ITGAM: variants seen among roughly 807,000 people sequenced by gnomAD.
The protein encoded by ITGAM is integrin subunit alpha M, also known as integrin alpha-M.
A neutral mutation model predicts 137.5 loss-of-function variants in ITGAM; 79 were observed. The ratio of observed to expected loss-of-function variants is 0.57; its 90% CI spans 0.48 to 0.69. The LOEUF (loss-of-function observed/expected upper bound fraction) is 0.69. Ranked by LOEUF, ITGAM falls within the 30% of genes least tolerant of loss-of-function variation. ITGAM has a pLI of 0.00. For missense variants in ITGAM, 1,343 were observed against 1,483.5 expected (o/e 0.91, Z 1.56); for synonymous variants, 583 against 592.3 (o/e 0.98, Z 0.23).
At chr16:31,305,663 T>TA (rs1213713308) in intron 14 of ITGAM, among the ~76,000 whole-genome samples, 1 of 152,198 alleles carries the variant, frequency 6.6e-6, no homozygotes, top group Non-Finnish European at 1.5e-5. Flanking sequence ...AGCCTTTTTT[T>TA]AATCATAAAG....
chr16:31,325,666 T>G lies in ITGAM; in HGVS notation c.2628+44T>G, dbSNP rs763681582. On this transcript the variant is annotated intron_variant, in intron 21 of 29. Coordinates refer to ENST00000544665, the MANE Select transcript of ITGAM (RefSeq NM_000632.4). The stretch of plus-strand genomic sequence containing the variant: ...TCCCCTCCTTTTCTCTTTGATTTCT[T>G]TGGGGATTCTTTTCTTCTTCTTCTC... The G allele has an allele frequency of 1.0e-5, 16 of 1,585,732 alleles. No homozygotes were observed. In the South Asian group the frequency reaches 1.9e-4, roughly 18 times the overall value.
chr16:31,331,893 A>ACGTGTGCGTGTGCGTG lies in ITGAM; in HGVS notation c.*187_*188insGTGTGCGTGTGCGTGC. Reference sequence around the variant, plus strand: ...CAAGTGTCTGTGTGCAAGTGTGTGCACATGTGTGCGTGTGCGTGCATGTGC... The same window carrying ACGTGTGCGTGTGCGTG: ...CAAGTGTCTGTGTGCAAGTGTGTGCACGTGTGCGTGTGCGTGCATGTGTGCGTGTGCGTGCATGTGC... On this transcript the variant is annotated 3_prime_UTR_variant, in exon 30 of 30. Coordinates refer to ENST00000544665, the MANE Select transcript of ITGAM (RefSeq NM_000632.4). 1 of 552,470 alleles carries ACGTGTGCGTGTGCGTG rather than the reference A, an allele frequency of 1.8e-6. No homozygotes were observed. The highest frequency in any genetic ancestry group is 3.2e-6 in the Non-Finnish European group (1 of 313,942). The allele number at this position is 552,470 out of a possible 1,614,324, so 34.2% of individuals were successfully genotyped here.
intron 14 of ITGAM, among the ~76,000 whole-genome samples, chr16:31,311,021 G>C (rs1432339624): frequency 7.2e-5 from 11 of 152,108 alleles, no homozygotes; most frequent in Non-Finnish European, 1.2e-4. Context: ...CTGACAAAAA[G>C]AAGAAATGGG....
chr16:31,302,417 TTTCTTTCTTTC>T (rs1163080519), intron 14 of ITGAM, among the ~76,000 whole-genome samples: 5 of 138,332 alleles, frequency 3.6e-5, no homozygotes, highest in East Asian at 1.9e-4. Flanking sequence ...TTTTTCTTTC[TTTCTTTCTTTC>T]TTCTTTCTTT....
intron 7 of ITGAM, among the ~76,000 whole-genome samples, chr16:31,273,089 A>G (rs530062401): frequency 6.6e-6 from 1 of 152,244 alleles, no homozygotes; most frequent in Non-Finnish European, 1.5e-5. Context: ...ACTTGAGGCC[A>G]GGAGTTTGAG....
At chr16:31,284,420 G>A (rs1333381144) in intron 12 of ITGAM, among the ~76,000 whole-genome samples, 1 of 152,158 alleles carries the variant, frequency 6.6e-6, no homozygotes, top group Non-Finnish European at 1.5e-5. Context: ...TCAAGCCTCA[G>A]CAATGGTGGA....
At chr16:31,327,368 C>T (rs1056967423) in intron 22 of ITGAM, among the ~76,000 whole-genome samples, 5 of 151,778 alleles carry the variant, frequency 3.3e-5, no homozygotes, top group Admixed American at 6.6e-5. Context: ...AAAACAATTG[C>T]TCGAACCCAG....
At chr16:31,294,659 T>G (rs945310579) in intron 12 of ITGAM, among the ~76,000 whole-genome samples, 5 of 152,182 alleles carry the variant, frequency 3.3e-5, no homozygotes, top group African/African-American at 1.2e-4. Context: ...GATTTTTGCA[T>G]TAGTGTTCAT....
At chr16:31,288,887 T>A (rs1253605306) in intron 12 of ITGAM, among the ~76,000 whole-genome samples, 9 of 151,950 alleles carry the variant, frequency 5.9e-5, no homozygotes, top group Non-Finnish European at 1.3e-4. Flanking sequence ...TCCAGAATCA[T>A]CAAAGAACTC....
intron 22 of ITGAM, among the ~76,000 whole-genome samples, chr16:31,327,678 G>A (rs1004011279): frequency 2.0e-5 from 3 of 151,962 alleles, no homozygotes; most frequent in Non-Finnish European, 1.5e-5. Flanking sequence ...ATGAACTGAG[G>A]GCGGGCATGA....
At chr16:31,272,072 C>T (rs2144289197) in intron 7 of ITGAM, 80 bp downstream of exon 7, 1 of 1,551,288 alleles carries the variant, frequency 6.4e-7, no homozygotes, top group South Asian at 1.1e-5. Context: ...GGGAGCCGTT[C>T]AGACAGGGGT....
At chr16:31,314,232 A>T (rs546927183) in intron 14 of ITGAM, among the ~76,000 whole-genome samples, 2 of 152,194 alleles carry the variant, frequency 1.3e-5, no homozygotes, top group East Asian at 3.9e-4. Flanking sequence ...TCTTTAGTTT[A>T]ATTAGATCTC....
At chr16:31,291,584 T>C (rs914422658) in intron 12 of ITGAM, among the ~76,000 whole-genome samples, 1 of 152,154 alleles carries the variant, frequency 6.6e-6, no homozygotes, top group African/African-American at 2.4e-5. Flanking sequence ...ATTTTTCTGG[T>C]ACACAAAGGA....
intron 23 of ITGAM, 21 bp downstream of exon 23, chr16:31,328,251 A>G: frequency 2.5e-6 from 4 of 1,588,272 alleles, no homozygotes; most frequent in Non-Finnish European, 3.5e-6. Context: ...CCAGGACTTT[A>G]GCTGAGCCTC....
At chr16:31,304,235 A>G (rs924679497) in intron 14 of ITGAM, among the ~76,000 whole-genome samples, 2 of 151,848 alleles carry the variant, frequency 1.3e-5, no homozygotes, top group African/African-American at 4.8e-5. Flanking sequence ...CATTTTTTTC[A>G]TATGTTTATC....
chr16:31,329,200 A>AC, intron 23 of ITGAM, 28 bp from the exon 24 acceptor site: 1 of 1,540,900 alleles, frequency 6.5e-7, no homozygotes, highest in Non-Finnish European at 9.0e-7. Context: ...ATGTTTTGTC[A>AC]CCTCCTGTCC....
intron 14 of ITGAM, among the ~76,000 whole-genome samples, chr16:31,306,056 T>C (rs1269672389): frequency 1.3e-5 from 2 of 152,204 alleles, no homozygotes; most frequent in East Asian, 3.8e-4. Context: ...TCTTTGAATG[T>C]CTGTTAAAAT....
chr16:31,265,843 C>T lies in ITGAM; in HGVS notation c.271C>T (p.Leu91=). ...PVEAVNMSLG[L]SLAATTSPPQ... is the part of the protein sequence containing the mutation. ...GGAGGCCGTGAACATGTCCCTGGGC[C>T]TGTCCCTGGCAGCCACCACCAGCCC... The change falls in exon 4 of 30, where the codon CTG becomes TTG. Residue 91 remains leucine (L), a synonymous_variant. Transcript: ENST00000544665. The T allele has an allele frequency of 6.2e-7, 1 of 1,614,012 alleles. No individual in the cohort carries two copies. The highest frequency in any genetic ancestry group is 1.1e-5 in the South Asian group (1 of 91,060).
chr16:31,302,428 C>CTTTCTTTCTTTCTTCTTTCT (rs71390270), intron 14 of ITGAM, among the ~76,000 whole-genome samples: 2 of 103,126 alleles, frequency 1.9e-5, no homozygotes, highest in African/African-American at 1.1e-4. Flanking sequence ...TTCTTTCTTT[C>CTTTCTTTCTTTCTTCTTTCT]TTCTTTCTTT....
Sources: gnomAD v4.1 joint callset for allele counts (sites outside exome capture counted in the v4.1 genomes callset) on GRCh38, gnomAD v4.1.1 for gene constraint, MANE v1.5 for transcripts, NCBI Gene and HGNC (gene_info 2026-07-23, HGNC 2026-07-21) for gene names.